Variants in MGAT4C observed in about 807,000 individuals in gnomAD.
MGAT4C encodes MGAT4 family member C.
Under a neutral mutation model 40.1 loss-of-function variants are expected in MGAT4C, and 19 were observed. That is an observed-to-expected ratio of 0.47 (90% confidence interval 0.33 to 0.70). The LOEUF is 0.70. Ranked by LOEUF, MGAT4C falls within the 30% of genes least tolerant of loss-of-function variation. The pLI is 0.02. For synonymous variants in MGAT4C, 181 were observed against 187.1 expected (o/e 0.97, Z 0.27); for missense variants, 491 against 563.2 (o/e 0.87, Z 1.30).
chr12:86,252,261 A>G (rs1268322844), intron 1 of MGAT4C, among the ~76,000 whole-genome samples: 1 of 152,016 alleles, frequency 6.6e-6, no homozygotes, highest in Non-Finnish European at 1.5e-5. Flanking sequence ...CATACTTCAA[A>G]TGGGCATTAC....
intron 1 of MGAT4C, among the ~76,000 whole-genome samples, chr12:86,750,006 T>C (rs560135355): frequency 6.1e-4 from 93 of 151,918 alleles, no homozygotes; most frequent in African/African-American, 2.1e-3. Flanking sequence ...AATCAATGTA[T>C]TTGTTGGATT....
At chr12:86,459,260 A>G (rs558442860) in intron 2 of MGAT4C, among the ~76,000 whole-genome samples, 1 of 152,258 alleles carries the variant, frequency 6.6e-6, no homozygotes, top group South Asian at 2.1e-4. Flanking sequence ...GACACACTGT[A>G]TAACTCTCTT....
At chr12:86,005,362 T>C (rs1887766173) in intron 2 of MGAT4C, among the ~76,000 whole-genome samples, 1 of 152,242 alleles carries the variant, frequency 6.6e-6, no homozygotes. Context: ...AATAAGAATC[T>C]GTTCTTGTAA....
chr12:86,098,763 G>A (rs1222593979), intron 1 of MGAT4C, among the ~76,000 whole-genome samples: 2 of 151,532 alleles, frequency 1.3e-5, no homozygotes, highest in East Asian at 3.9e-4. Context: ...CTTATATATT[G>A]CATGTATTCT....
At chr12:86,040,048 G>T (rs115202836) in intron 2 of MGAT4C, among the ~76,000 whole-genome samples, 1 of 152,136 alleles carries the variant, frequency 6.6e-6, no homozygotes, top group Non-Finnish European at 1.5e-5. Flanking sequence ...GGGTACCACC[G>T]GCAGATGCTG....
At chr12:86,791,642 TTC>T (rs762869758) in intron 1 of MGAT4C, among the ~76,000 whole-genome samples, 1 of 152,300 alleles carries the variant, frequency 6.6e-6, no homozygotes, top group East Asian at 1.9e-4. Context: ...GACCTTTTTC[TTC>T]TCTCATTCTA....
At chr12:86,558,236 G>A (rs1227950701) in intron 2 of MGAT4C, among the ~76,000 whole-genome samples, 1 of 152,078 alleles carries the variant, frequency 6.6e-6, no homozygotes, top group Admixed American at 6.6e-5. Context: ...AAATATTTGA[G>A]TCTGGGAGTT....
At chr12:86,434,730 A>C (rs185687444) in intron 3 of MGAT4C, among the ~76,000 whole-genome samples, 11 of 152,070 alleles carry the variant, frequency 7.2e-5, no homozygotes, top group African/African-American at 2.6e-4. Flanking sequence ...TCTGCAAGTG[A>C]ATCCAAAGGC....
chr12:86,429,346 TA>T (rs1956989578), intron 3 of MGAT4C, among the ~76,000 whole-genome samples: 1 of 152,202 alleles, frequency 6.6e-6, no homozygotes, highest in Admixed American at 6.5e-5. Context: ...TTATATTTTT[TA>T]AAATTTGCTG....
chr12:86,769,428 T>G (rs982984078), intron 1 of MGAT4C, among the ~76,000 whole-genome samples: 3 of 152,180 alleles, frequency 2.0e-5, no homozygotes, highest in African/African-American at 4.8e-5. Flanking sequence ...GATTGTAAAC[T>G]AGTTCAACCA....
Position 86,138,578 on chromosome 12 carries a change from C to CATGTATATATTTCCATAGAT in MGAT4C, c.-56-88856_-56-88855insATCTATGGAAATATATACAT, listed in dbSNP as rs1882358440. On this transcript the variant is annotated intron_variant, in intron 1 of 4. Transcript: ENST00000611864. ...CATGTATATATTTCCATAGATATAT[C>CATGTATATATTTCCATAGAT]ATATATATATTTCCATATATATATT... 4.3e-5 allele frequency among the ~76,000 whole-genome samples: 6 copies of CATGTATATATTTCCATAGAT among 140,964 alleles called. No homozygotes were observed. In the East Asian group the frequency reaches 8.1e-4, roughly 19 times the overall value. 92.5% of individuals were successfully genotyped at this position (140,964 alleles called of 152,430 possible).
chr12:85,998,150 T>C (rs1419410914), intron 2 of MGAT4C, among the ~76,000 whole-genome samples: 2 of 152,238 alleles, frequency 1.3e-5, no homozygotes, highest in African/African-American at 2.4e-5. Context: ...TTGCACCCTC[T>C]GAAGCAATGG....
rs1265566333 is a variant in MGAT4C, at chr12:86,194,757, C to T, written c.-57+61482G>A. On this transcript the variant is annotated intron_variant, in intron 1 of 4. Coordinates refer to ENST00000611864, the MANE Select transcript of MGAT4C (RefSeq NM_001351288.2). ...GGGATTACAGGCATGAACCACTGCG[C>T]CCAGCTGGAGCAAATCAATTTTTAT... Among the ~76,000 whole-genome samples, 5 of 152,222 alleles carry T rather than the reference C, an allele frequency of 3.3e-5. No homozygotes were observed. The East Asian group carries it at 9.7e-4, about 29-fold the overall frequency.
At chr12:86,771,945 T>C (rs554115870) in intron 1 of MGAT4C, among the ~76,000 whole-genome samples, 1 of 152,176 alleles carries the variant, frequency 6.6e-6, no homozygotes, top group Non-Finnish European at 1.5e-5. Context: ...GTATTGATAG[T>C]ATTCCTTCTC....
At chr12:86,689,911 C>T (rs368361796) in intron 2 of MGAT4C, among the ~76,000 whole-genome samples, 1 of 152,166 alleles carries the variant, frequency 6.6e-6, no homozygotes, top group African/African-American at 2.4e-5. Context: ...AAGCTTAGCC[C>T]ACAACAACCC....
intron 2 of MGAT4C, among the ~76,000 whole-genome samples, chr12:86,631,836 T>C (rs1593063214): frequency 6.6e-6 from 1 of 152,180 alleles, no homozygotes; most frequent in Non-Finnish European, 1.5e-5. Flanking sequence ...ATTCAGGACA[T>C]AGGCATGGGC....
chr12:86,181,371 A>G (rs940579573), intron 1 of MGAT4C, among the ~76,000 whole-genome samples: 15 of 152,336 alleles, frequency 9.8e-5, no homozygotes, highest in African/African-American at 3.6e-4. Context: ...TGATGTCAAT[A>G]TAAAATCTGA....
At position 86,325,114 on chromosome 12, in the gene MGAT4C, A is replaced by G. The variant is rs114807444; in HGVS notation, c.-57+8951T>C. ...CATGGATGAACAACAATTTGAAGCTACTAGATCAATTCTATATATGTTATT... is the reference window on the plus strand; with the variant it reads ...CATGGATGAACAACAATTTGAAGCTGCTAGATCAATTCTATATATGTTATT... On this transcript the variant is annotated intron_variant, in intron 4 of 7. Coordinates refer to the MGAT4C transcript ENST00000548651. Among the ~76,000 whole-genome samples, 931 of 152,216 alleles carry G rather than the reference A, an allele frequency of 6.1e-3. 6 individuals are homozygous for G. The highest frequency in any genetic ancestry group is 0.022 in the African/African-American group (897 of 41,558).
intron 2 of MGAT4C, among the ~76,000 whole-genome samples, chr12:86,556,009 A>G (rs1959593666): frequency 6.6e-6 from 1 of 152,234 alleles, no homozygotes; most frequent in African/African-American, 2.4e-5. Context: ...CACGATGCCT[A>G]TGCATGTAAT....
Sources: gnomAD v4.1 joint callset for allele counts (sites outside exome capture counted in the v4.1 genomes callset) on GRCh38, gnomAD v4.1.1 for gene constraint, MANE v1.5 for transcripts, NCBI Gene and HGNC (gene_info 2026-07-23, HGNC 2026-07-21) for gene names.